The following MUTYH variants were observed in gnomAD, a reference collection of about 807,000 sequenced individuals.
The protein encoded by MUTYH is mutY DNA glycosylase, also known as adenine DNA glycosylase.
Under a neutral mutation model 72.9 loss-of-function variants are expected in MUTYH, and 64 were observed. The observed-to-expected ratio is 0.88, with a 90% CI of 0.72 to 1.08. The LOEUF is 1.08. Among genes scored for constraint, MUTYH ranks in the 50% least tolerant of loss-of-function variants. MUTYH has a pLI of 0.00. For synonymous variants in MUTYH, 234 were observed against 263.1 expected (o/e 0.89, Z 1.07); for missense variants, 633 against 671.0 (o/e 0.94, Z 0.63).
At chr1:45,334,084 G>A (rs1017995618) in intron 2 of MUTYH, 1 of 403,028 alleles carries the variant, frequency 2.5e-6, no homozygotes. Context: ...TTGACTCAGT[G>A]CAACTTCTGC....
In MUTYH at chr1:45,333,274, G is replaced by C. The variant is rs1645306994; in HGVS notation, c.304+11C>G. 6.2e-7 allele frequency: 1 copy of C among 1,614,100 alleles called. No individual in the cohort carries two copies. Among genetic ancestry groups the C allele is most frequent in the Admixed American group, 1.7e-5 (1 of 60,008 alleles). ...AGGCAAAGTGGCCCTGCTCTCAGGA[G>C]ATGTACTGACCAGCATATGCCCGCC... On this transcript the variant is annotated intron_variant, in intron 4 of 15. Transcript: ENST00000456914.
rs1557497748 is a variant in MUTYH, at chr1:45,335,833, G to A, written c.-6-1322C>T. Among the ~76,000 whole-genome samples, 5 of 151,888 alleles carry A rather than the reference G, an allele frequency of 3.3e-5. No individual in the cohort carries two copies. In the South Asian group the frequency reaches 8.3e-4, roughly 25 times the overall value. ...TGTCTCAAAAAAAAAGAAAAGAAAA[G>A]AAACCAATACCCCAAAATATGGCCC... is the stretch of plus-strand genomic sequence containing the variant. On this transcript the variant is annotated intron_variant, in intron 1 of 15. Transcript: ENST00000456914.
chr1:45,339,993 G>A (rs888185369), upstream of MUTYH: 1 of 1,535,726 alleles, frequency 6.5e-7, no homozygotes, highest in South Asian at 1.2e-5. Flanking sequence ...GAGCTCTAGC[G>A]CGCCCGGCTT....
intron 1 of MUTYH, chr1:45,338,648 AAT>A (rs1210457162): frequency 5.0e-6 from 1 of 198,412 alleles, no homozygotes; most frequent in Non-Finnish European, 1.1e-5. Flanking sequence ...AACTGTACAC[AAT>A]AGATACCTGT....
intron 15 of MUTYH, among the ~76,000 whole-genome samples, chr1:45,329,702 C>T (rs901437171): frequency 2.0e-5 from 3 of 152,114 alleles, no homozygotes; most frequent in Admixed American, 6.5e-5. Flanking sequence ...GGGCTCACAC[C>T]CTGACTGACC....
chr1:45,340,434 A>G (rs1215187269), upstream of MUTYH: 2 of 1,519,410 alleles, frequency 1.3e-6, no homozygotes, highest in African/African-American at 1.4e-5. Flanking sequence ...AGCCACGAGG[A>G]GACTACAAGT....
At chr1:45,340,022 G>T, upstream of MUTYH, 4 of 1,540,270 alleles carry the variant, frequency 2.6e-6, no homozygotes, top group Non-Finnish European at 3.5e-6. Flanking sequence ...ACTCCAGGGG[G>T]CGTGGCTCGG....
At chr1:45,339,592 C>G (rs1646615200) in intron 1 of MUTYH, 1 of 341,338 alleles carries the variant, frequency 2.9e-6, no homozygotes. Context: ...CCTTCCTCGC[C>G]ATCCATACTG....
intron 2 of MUTYH, chr1:45,333,977 A>C (rs999973371): frequency 8.2e-6 from 3 of 367,380 alleles, no homozygotes; most frequent in African/African-American, 2.1e-5. Flanking sequence ...CCAATGTCAC[A>C]CAGCAATACA....
At chr1:45,338,250 C>T (rs1163253069) in intron 1 of MUTYH, 6 of 532,984 alleles carry the variant, frequency 1.1e-5, no homozygotes, top group Admixed American at 4.5e-5. Flanking sequence ...CCTCTTACTA[C>T]AGCCTTGCAG....
chr1:45,335,086 C>G (rs1645680862), intron 1 of MUTYH, among the ~76,000 whole-genome samples: 1 of 152,050 alleles, frequency 6.6e-6, no homozygotes, highest in African/African-American at 2.4e-5. Flanking sequence ...GGTGGCTGAC[C>G]ATCAACAATG....
Position 45,331,167 on chromosome 1 carries a change from C to T in MUTYH, c.1392+15G>A. The T allele has an allele frequency of 6.2e-7, 1 of 1,614,144 alleles. No individual in the cohort carries two copies. Among genetic ancestry groups the T allele is most frequent in the Non-Finnish European group, 8.5e-7 (1 of 1,179,994 alleles). On this transcript the variant is annotated intron_variant, in intron 14 of 15. Transcript: ENST00000456914. Reference sequence around the variant, plus strand: ...GAAACACAAGGAAGTACAACAAAGACAACAAAGGTAGTGCCTTTTTCATGG... The same window carrying T: ...GAAACACAAGGAAGTACAACAAAGATAACAAAGGTAGTGCCTTTTTCATGG...
chr1:45,337,883 A>C (rs1211121192), intron 1 of MUTYH, among the ~76,000 whole-genome samples: 1 of 152,250 alleles, frequency 6.6e-6, no homozygotes, highest in African/African-American at 2.4e-5. Flanking sequence ...AAAAGGAATA[A>C]TGAACATAAG....
At chr1:45,340,247 G>C (rs745424307), upstream of MUTYH, 33 of 1,613,720 alleles carry the variant, frequency 2.0e-5, no homozygotes, top group Non-Finnish European at 1.4e-5. Flanking sequence ...GGAGACGAGC[G>C]GTGTCATGGC....
chr1:45,332,069 G>C lies in MUTYH; in HGVS notation c.867C>G (p.Leu289=), dbSNP rs11211096. ...RARQRVEQEQ[L]LASGSLSGSP... Reference sequence around the variant, plus strand: ...TGCCCGACAGGCTCCCTGAGGCTAAGAGCTGTTCCTGCTCCACCTGAGAGG... The same window carrying C: ...TGCCCGACAGGCTCCCTGAGGCTAACAGCTGTTCCTGCTCCACCTGAGAGG... The change falls in exon 11 of 16, where the codon CTC becomes CTG. Residue 289 remains leucine, a synonymous_variant. Transcript: ENST00000456914. 1.2e-6 allele frequency: 2 copies of C among 1,614,104 alleles called. No homozygotes were observed. Among genetic ancestry groups the C allele is most frequent in the African/African-American group, 1.3e-5 (1 of 74,928 alleles).
upstream of MUTYH, chr1:45,340,044 C>T (rs537932462): frequency 1.9e-6 from 3 of 1,540,880 alleles, no homozygotes; most frequent in African/African-American, 4.1e-5. Flanking sequence ...TCCACCCGGG[C>T]TGCGAGCCGG....
Position 45,329,259 on chromosome 1 carries a change from AC to A in MUTYH, c.*46del. On this transcript the variant is annotated 3_prime_UTR_variant, in exon 16 of 16. Transcript: ENST00000456914. Reference sequence around the variant, plus strand: ...ACATAAAATAACTACAAAAATAAGCACTTTACTAACAACAGGATTCTCAGGG... The same window carrying A: ...ACATAAAATAACTACAAAAATAAGCATTTACTAACAACAGGATTCTCAGGG... The A allele has an allele frequency of 6.2e-7, 1 of 1,612,758 alleles. No individual in the cohort carries two copies. Among genetic ancestry groups the A allele is most frequent in the Non-Finnish European group, 8.5e-7 (1 of 1,178,860 alleles).
intron 15 of MUTYH, chr1:45,330,011 T>A (rs1447242794): frequency 1.3e-5 from 1 of 78,356 alleles, no homozygotes; most frequent in Admixed American, 1.1e-4. Context: ...GATGGGCAGA[T>A]CACTTGAGGT....
At chr1:45,331,150 A>AG (rs750409877) in intron 14 of MUTYH, 32 bp downstream of exon 14, 56 of 1,613,508 alleles carry the variant, frequency 3.5e-5, no homozygotes, top group Non-Finnish European at 3.4e-5. Flanking sequence ...AGGAAACACA[A>AG]GGAAGTACAA....
Sources: allele counts gnomAD v4.1 joint callset (sites outside exome capture counted in the v4.1 genomes callset), GRCh38; gene constraint gnomAD v4.1.1; transcripts MANE v1.5; gene names NCBI Gene and HGNC (gene_info 2026-07-23, HGNC 2026-07-21).